The following MEI1 variants were observed in gnomAD, a reference collection of about 807,000 sequenced individuals.
The protein encoded by MEI1 is meiotic double-stranded break formation protein 1.
Under a neutral mutation model 146.2 loss-of-function variants are expected in MEI1, and 103 were observed. The observed-to-expected ratio is 0.70, with a 90% CI of 0.60 to 0.83. The LOEUF (loss-of-function observed/expected upper bound fraction) is 0.83. Among genes scored for constraint, MEI1 ranks in the 40% least tolerant of loss-of-function variants. The probability of loss-of-function intolerance (pLI) is 0.00; values close to 1 mark genes in which losing one functional copy is unlikely to be tolerated. For missense variants in MEI1, 1,529 were observed against 1,533.0 expected (o/e 1.00, Z 0.04); for synonymous variants, 652 against 628.2 (o/e 1.04, Z -0.57).
At chr22:41,722,739 C>T (rs557937556) in intron 6 of MEI1, among the ~76,000 whole-genome samples, 1 of 152,202 alleles carries the variant, frequency 6.6e-6, no homozygotes, top group South Asian at 2.1e-4. Context: ...CCCTGGGCCC[C>T]CAGGCTAGAT....
rs747183514 is a variant in MEI1 at position 41,732,584 on chromosome 22, G to T, written c.1312G>T (p.Ala438Ser). The change falls in exon 11 of 31, where the codon GCC becomes TCC. Residue 438 changes from alanine to serine, a missense_variant. Around this residue, in one of 3 missense-constraint regions of MEI1, gnomAD observed 1,212 missense variants for 1,178.9 expected, o/e 1.03. Coordinates refer to ENST00000401548, the MANE Select transcript of MEI1 (RefSeq NM_152513.4). ...VLEVAAEALK[A>S]TSAFLRKDHQ... ...GGAGGTGGCTGCTGAGGCCTTGAAG[G>T]CCACTTCTGCTTTTCTGAGGTGAGA... 5 of 1,613,150 alleles carry T rather than the reference G, an allele frequency of 3.1e-6. No homozygotes were observed. The highest frequency in any genetic ancestry group is 4.2e-6 in the Non-Finnish European group (5 of 1,179,768).
intron 6 of MEI1, among the ~76,000 whole-genome samples, chr22:41,722,320 A>G (rs1335846283): frequency 1.3e-5 from 2 of 151,850 alleles, no homozygotes; most frequent in African/African-American, 4.8e-5. Context: ...ATTTTTAAAG[A>G]TGGGACCTGT....
chr22:41,719,005 CAG>C (rs1352631601), intron 6 of MEI1, among the ~76,000 whole-genome samples: 2 of 121,876 alleles, frequency 1.6e-5, no homozygotes, highest in African/African-American at 6.7e-5. Flanking sequence ...TTTTTTGAGA[CAG>C]AGTCTCACAC....
At chr22:41,759,722 G>A (rs1446633131) in intron 18 of MEI1, among the ~76,000 whole-genome samples, 1 of 152,030 alleles carries the variant, frequency 6.6e-6, no homozygotes, top group African/African-American at 2.4e-5. Flanking sequence ...CCAGCTACTC[G>A]GGAGGCTGAG....
intron 2 of MEI1, among the ~76,000 whole-genome samples, chr22:41,704,590 T>C (rs563818055): frequency 9.2e-5 from 14 of 151,792 alleles, no homozygotes; most frequent in African/African-American, 3.4e-4. Context: ...ATTTTTGCAT[T>C]TTTAGTAGAG....
intron 11 of MEI1, among the ~76,000 whole-genome samples, chr22:41,734,308 G>C (rs1291538417): frequency 6.6e-6 from 1 of 152,002 alleles, no homozygotes; most frequent in Non-Finnish European, 1.5e-5. Context: ...TCAATGCAAT[G>C]TAGACGGGGC....
At chr22:41,770,998 C>A (rs753797055) in intron 20 of MEI1, 37 bp downstream of exon 20, 6 of 1,595,576 alleles carry the variant, frequency 3.8e-6, no homozygotes, top group Non-Finnish European at 5.1e-6. Flanking sequence ...ATTCAGAAAT[C>A]GTGGGCCTTC....
chr22:41,723,287 ACTGCAACCTGTGT>A (rs2071031044), intron 6 of MEI1, among the ~76,000 whole-genome samples: 1 of 151,670 alleles, frequency 6.6e-6, no homozygotes, highest in South Asian at 2.1e-4. Context: ...ATCTCAGTTC[ACTGCAACCTGTGT>A]CTGCTGGGTT....
At chr22:41,778,459 A>C (rs571506946) in intron 21 of MEI1, among the ~76,000 whole-genome samples, 3 of 152,342 alleles carry the variant, frequency 2.0e-5, no homozygotes, top group Admixed American at 2.0e-4. Context: ...CATGCTTCAC[A>C]TTTTGTTTAG....
At chr22:41,705,374 A>G (rs780567915) in intron 2 of MEI1, 130 bp from the exon 3 acceptor site, 2 of 786,554 alleles carry the variant, frequency 2.5e-6, no homozygotes, top group East Asian at 2.5e-5. Flanking sequence ...GTTTCGCCAT[A>G]TTGGTCAGGC....
chr22:41,748,514 T>A (rs925053558), intron 15 of MEI1, among the ~76,000 whole-genome samples: 1 of 147,844 alleles, frequency 6.8e-6, no homozygotes, highest in African/African-American at 2.5e-5. Flanking sequence ...TGAGACCCCA[T>A]CTCTAAAAAA....
intron 5 of MEI1, among the ~76,000 whole-genome samples, chr22:41,717,714 T>G (rs986929977): frequency 6.6e-6 from 1 of 151,540 alleles, no homozygotes; most frequent in African/African-American, 2.4e-5. Context: ...CTCGTGGGTT[T>G]CAGCGATTCT....
chr22:41,798,248 A>ATG (rs1296694915), intron 30 of MEI1, among the ~76,000 whole-genome samples: 1 of 138,658 alleles, frequency 7.2e-6, no homozygotes, highest in Non-Finnish European at 1.6e-5. Flanking sequence ...CACACACACA[A>ATG]TGTGTGTGTG....
At chr22:41,728,947 C>T (rs947891529) in intron 7 of MEI1, among the ~76,000 whole-genome samples, 3 of 151,782 alleles carry the variant, frequency 2.0e-5, no homozygotes, top group African/African-American at 7.3e-5. Context: ...AAGTGGATCA[C>T]GAGGTCAGGA....
chr22:41,755,213 T>G (rs2074015218), intron 17 of MEI1, among the ~76,000 whole-genome samples: 1 of 152,176 alleles, frequency 6.6e-6, no homozygotes, highest in African/African-American at 2.4e-5. Flanking sequence ...GAAAACAGTT[T>G]AATAATTGTT....
At chr22:41,714,732 T>C (rs762036856) in intron 4 of MEI1, among the ~76,000 whole-genome samples, 100 of 150,196 alleles carry the variant, frequency 6.7e-4, no homozygotes, top group Non-Finnish European at 1.3e-3. Flanking sequence ...AAAAAAAAAA[T>C]TAGCTGGGCG....
chr22:41,739,540 G>A (rs529451802), intron 11 of MEI1, among the ~76,000 whole-genome samples: 39 of 132,778 alleles, frequency 2.9e-4, no homozygotes, highest in Non-Finnish European at 5.0e-4. Flanking sequence ...TTGACTCTAG[G>A]TTGGTTCTAA....
rs1008376551 is a variant in MEI1 at position 41,758,353 on chromosome 22, T to A, written c.1952-12T>A. The A allele has an allele frequency of 1.0e-5, 16 of 1,606,614 alleles. No homozygotes were observed. Among genetic ancestry groups the A allele is most frequent in the Non-Finnish European group, 1.3e-5 (15 of 1,174,992 alleles). ...TCTCTGTGTGGCTTTCCTCTACTTA[T>A]TCCCTCCCTAGAACTCTCTGCAGTG... On this transcript the variant is annotated splice_polypyrimidine_tract_variant and intron_variant, in intron 17 of 30. Transcript: ENST00000401548.
intron 17 of MEI1, among the ~76,000 whole-genome samples, chr22:41,755,896 C>T (rs1282923351): frequency 1.3e-5 from 2 of 152,102 alleles, no homozygotes; most frequent in Non-Finnish European, 1.5e-5. Context: ...TTGCCCAGGA[C>T]TTGGCCCTGG....
Sources: gnomAD v4.1 joint callset for allele counts (sites outside exome capture counted in the v4.1 genomes callset) on GRCh38, gnomAD v4.1.1 for gene constraint, gnomAD v4.1.1 regional missense constraint, MANE v1.5 for transcripts, NCBI Gene and HGNC (gene_info 2026-07-23, HGNC 2026-07-21) for gene names.